INVS: variants seen among roughly 807,000 people sequenced by gnomAD.
The protein encoded by INVS is inversin.
A neutral mutation model predicts 108.8 loss-of-function variants in INVS; 86 were observed. The ratio of observed to expected loss-of-function variants is 0.79; its 90% CI spans 0.66 to 0.95. The LOEUF (loss-of-function observed/expected upper bound fraction) is 0.95. Among genes scored for constraint, INVS ranks in the 40% least tolerant of loss-of-function variants. The pLI is 0.00. For missense variants in INVS, 1,169 were observed against 1,297.4 expected (o/e 0.90, Z 1.52); for synonymous variants, 455 against 473.5 (o/e 0.96, Z 0.51).
At chr9:100,142,546 G>T (rs976063457) in intron 3 of INVS, among the ~76,000 whole-genome samples, 1 of 152,252 alleles carries the variant, frequency 6.6e-6, no homozygotes, top group Non-Finnish European at 1.5e-5. Context: ...GGTCAGGTGT[G>T]GTATCCAGAA....
chr9:100,292,414 TCC>T lies in INVS; in HGVS notation c.2159_2160del (p.Pro720LeufsTer3). The T allele has an allele frequency of 6.2e-7, 1 of 1,614,138 alleles. No individual in the cohort carries two copies. The highest frequency in any genetic ancestry group is 1.7e-5 in the Admixed American group (1 of 60,008). Reference sequence around the variant, plus strand: ...GTGATGGAAGCAGGCATCCAGGAGTTCCCTCTGTTGAGAAGTCCAGAGGTGAG... The same window carrying T: ...GTGATGGAAGCAGGCATCCAGGAGTTCTCTGTTGAGAAGTCCAGAGGTGAG... ...GSDGSRHPGV[P>X]SVEKSRGETA... On this transcript the variant is annotated frameshift_variant, in exon 14 of 17. Transcript: ENST00000262457. LOFTEE classifies it high-confidence loss of function.
At chr9:100,173,885 A>G (rs1250649567) in intron 3 of INVS, among the ~76,000 whole-genome samples, 2 of 152,272 alleles carry the variant, frequency 1.3e-5, no homozygotes. Context: ...GCTAAGGCTA[A>G]AATAACTCAT....
intron 3 of INVS, among the ~76,000 whole-genome samples, chr9:100,148,053 A>G (rs1383342130): frequency 6.6e-6 from 1 of 151,398 alleles, no homozygotes; most frequent in Non-Finnish European, 1.5e-5. Context: ...TTAGCCGGCC[A>G]TGGCAACGTG....
At chr9:100,224,045 C>T (rs1403572777) in intron 3 of INVS, among the ~76,000 whole-genome samples, 2 of 151,626 alleles carry the variant, frequency 1.3e-5, no homozygotes, top group Admixed American at 1.3e-4. Flanking sequence ...GCAAAAAAAA[C>T]AAAACAAAAA....
chr9:100,216,646 C>A (rs543942126), intron 3 of INVS, among the ~76,000 whole-genome samples: 20 of 152,354 alleles, frequency 1.3e-4, no homozygotes, highest in South Asian at 4.1e-4. Context: ...CTAATGTTTT[C>A]AATCCACCTA....
At chr9:100,300,065 C>G (rs994186892) in intron 16 of INVS, among the ~76,000 whole-genome samples, 1 of 152,168 alleles carries the variant, frequency 6.6e-6, no homozygotes, top group African/African-American at 2.4e-5. Flanking sequence ...AAGTATATCA[C>G]TAATGTTTTC....
intron 13 of INVS, among the ~76,000 whole-genome samples, chr9:100,287,207 GT>G (rs2118737026): frequency 6.6e-6 from 1 of 152,226 alleles, no homozygotes; most frequent in East Asian, 1.9e-4. Flanking sequence ...GGTTTACGTG[GT>G]TTTCATCCTC....
rs115629733 is a variant in INVS, at chr9:100,160,702, G to A, written c.273+34153G>A. On this transcript the variant is annotated intron_variant, in intron 3 of 16. Transcript: ENST00000262457. ...CCTTTGTTAATTTCCCCGTTGTTAC[G>A]AAGAAAAGTATTATTCCTCAGTAAT... Among the ~76,000 whole-genome samples, 597 of 152,046 alleles carry A rather than the reference G, an allele frequency of 3.9e-3. 6 individuals are homozygous for A. Among genetic ancestry groups the A allele is most frequent in the African/African-American group, 0.014 (567 of 41,448 alleles).
intron 3 of INVS, among the ~76,000 whole-genome samples, chr9:100,178,633 G>A (rs1377119666): frequency 1.3e-5 from 2 of 152,136 alleles, no homozygotes; most frequent in Admixed American, 6.5e-5. Context: ...AAGAAATATA[G>A]GACTATGTGA....
intron 3 of INVS, among the ~76,000 whole-genome samples, chr9:100,204,946 G>A (rs1401820700): frequency 6.6e-6 from 1 of 152,020 alleles, no homozygotes; most frequent in African/African-American, 2.4e-5. Flanking sequence ...CCGGTTGACA[G>A]TCAGCTTAAA....
intron 3 of INVS, among the ~76,000 whole-genome samples, chr9:100,161,364 C>CAAA (rs35392930): frequency 4.0e-4 from 5 of 12,364 alleles, no homozygotes; most frequent in South Asian, 2.6e-3. Context: ...ACTTCCATCT[C>CAAA]AAAAAAAAAA....
intron 2 of INVS, among the ~76,000 whole-genome samples, chr9:100,124,157 A>G: frequency 7.2e-6 from 1 of 138,712 alleles, no homozygotes; most frequent in African/African-American, 2.7e-5. Context: ...TTTTCATTGG[A>G]GGTTTTTTAT....
intron 3 of INVS, chr9:100,175,509 C>A: frequency 1.3e-6 from 1 of 759,076 alleles, no homozygotes. Flanking sequence ...CAGCCTCCAG[C>A]AGATGCAAGA....
At chr9:100,278,127 C>T (rs1248603462) in intron 12 of INVS, among the ~76,000 whole-genome samples, 1 of 146,194 alleles carries the variant, frequency 6.8e-6, no homozygotes, top group African/African-American at 2.6e-5. Flanking sequence ...GTCCCAGCTA[C>T]TAGGGAGGTG....
At position 100,213,519 on chromosome 9, in the gene INVS, C is replaced by A. The variant is rs556892640; in HGVS notation, c.274-12543C>A. Among the ~76,000 whole-genome samples, 20 of 152,084 alleles carry A rather than the reference C, an allele frequency of 1.3e-4. No individual in the cohort carries two copies. In the South Asian group the frequency reaches 3.5e-3, roughly 27 times the overall value. On this transcript the variant is annotated intron_variant, in intron 3 of 16. Coordinates refer to ENST00000262457, the MANE Select transcript of INVS (RefSeq NM_014425.5). ...CATTCCTGGCCCTTACAATGCATTT[C>A]ATATTACAATGATATTGAATTATTT...
At chr9:100,117,979 A>C (rs1188185946) in intron 2 of INVS, among the ~76,000 whole-genome samples, 2 of 151,928 alleles carry the variant, frequency 1.3e-5, no homozygotes, top group Non-Finnish European at 2.9e-5. Context: ...CCAGAACCTG[A>C]TCATGCTGGC....
chr9:100,250,742 T>A (rs1832206148), intron 8 of INVS, among the ~76,000 whole-genome samples: 2 of 152,238 alleles, frequency 1.3e-5, no homozygotes. Context: ...TCCCTGCTTA[T>A]ATTCTAATCT....
At chr9:100,226,754 A>G (rs565391328) in intron 4 of INVS, among the ~76,000 whole-genome samples, 3 of 144,832 alleles carry the variant, frequency 2.1e-5, no homozygotes, top group Admixed American at 1.5e-4. Context: ...CAGAGGTTTC[A>G]GTGAGCCCAG....
intron 3 of INVS, among the ~76,000 whole-genome samples, chr9:100,182,037 T>C (rs1289422627): frequency 6.6e-6 from 1 of 152,116 alleles, no homozygotes; most frequent in African/African-American, 2.4e-5. Flanking sequence ...ATTTAATAAA[T>C]GGTGTTGGGA....
Sources: gnomAD v4.1 joint callset for allele counts (sites outside exome capture counted in the v4.1 genomes callset) on GRCh38, gnomAD v4.1.1 for gene constraint, MANE v1.5 for transcripts, NCBI Gene and HGNC (gene_info 2026-07-23, HGNC 2026-07-21) for gene names.